Variants in NUP85 observed in about 807,000 individuals in gnomAD.
NUP85 encodes nuclear pore complex protein Nup85.
A neutral mutation model predicts 92.8 loss-of-function variants in NUP85; 23 were observed. That is an observed-to-expected ratio of 0.25 (90% CI 0.18 to 0.35). The LOEUF is 0.35. NUP85 is among the 10% of genes least tolerant of loss of function. NUP85 has a pLI of 1.00. For missense variants in NUP85, 759 were observed against 822.8 expected, an observed-to-expected ratio of 0.92 and a Z score of 0.95; for synonymous variants, 314 against 306.9, an observed-to-expected ratio of 1.02 and a Z score of -0.24.
chr17:75,233,013 G>A (rs1262096599), intron 15 of NUP85, 45 bp downstream of exon 15: 1 of 1,613,354 alleles, frequency 6.2e-7, no homozygotes, highest in African/African-American at 1.3e-5. Context: ...GGTGGTTGAG[G>A]TGGGCCTGAG....
intron 7 of NUP85, 30 bp downstream of exon 7, chr17:75,218,336 C>T (rs377161432): frequency 6.2e-7 from 1 of 1,610,826 alleles, no homozygotes; most frequent in African/African-American, 1.3e-5. Flanking sequence ...CACCTCCCAC[C>T]ATGTGTCCTA....
At chr17:75,218,605 T>TTTTTC (rs1276690476) in intron 7 of NUP85, among the ~76,000 whole-genome samples, 2 of 148,180 alleles carry the variant, frequency 1.3e-5, no homozygotes. Context: ...TTTTTTTTTT[T>TTTTTC]TTGAGACAGG....
rs753583486 is a variant in NUP85 at position 75,225,526 on chromosome 17, G to A, written c.855+62G>A. On this transcript the variant is annotated intron_variant, in intron 9 of 18. Transcript: ENST00000245544. ...TCCTATGGGGGCTGTGGCATCCAGT[G>A]CAGCAGTGGCAGGAGCTTGGTCCTC... The A allele has an allele frequency of 2.3e-5, 36 of 1,589,500 alleles. 1 individual carries two copies. The highest frequency in any genetic ancestry group is 3.1e-5 in the Non-Finnish European group (36 of 1,167,654).
At chr17:75,217,698 G>A (rs1289423430) in intron 6 of NUP85, among the ~76,000 whole-genome samples, 1 of 152,094 alleles carries the variant, frequency 6.6e-6, no homozygotes, top group Non-Finnish European at 1.5e-5. Context: ...GTAGAGACAG[G>A]GTTTCACCAT....
In NUP85 at chr17:75,205,713, G is replaced by A; in HGVS notation, c.-49G>A. The A allele has an allele frequency of 6.2e-7, 1 of 1,612,082 alleles. No individual in the cohort carries two copies. The highest frequency in any genetic ancestry group is 8.5e-7 in the Non-Finnish European group (1 of 1,178,234). ...CCAGCTCTGAGCGGGAGGCCTGAGC[G>A]GGAAGCATTGGCGTCCGAGCGACTT... On this transcript the variant is annotated 5_prime_UTR_variant, in exon 1 of 19. Transcript: ENST00000245544.
intron 2 of NUP85, among the ~76,000 whole-genome samples, chr17:75,209,497 G>A (rs1477438006): frequency 6.9e-6 from 1 of 144,064 alleles, no homozygotes; most frequent in African/African-American, 2.6e-5. Context: ...AGGCTGGAAT[G>A]CAGTGGTGTG....
Position 75,231,933 on chromosome 17 carries a change from C to T in NUP85, c.1350C>T (p.Ala450=), listed in dbSNP as rs1220338000. ...TACCTCTGAACACCGAGCAGAAAGC[C>T]CTGAAGGTGCTGCGGATCTGTGAGC... ...ERIPLNTEQK[A]LKVLRICEQR... is the part of the protein sequence containing the mutation. Residue 450 remains alanine (A), a synonymous_variant, in exon 14 of 19, where the codon GCC becomes GCT. Coordinates refer to ENST00000245544, the MANE Select transcript of NUP85 (RefSeq NM_024844.5). The surrounding 1 kb of genome is among the most constrained non-coding windows in gnomAD (Gnocchi z 4.6). 6.2e-7 allele frequency: 1 copy of T among 1,614,178 alleles called. No individual in the cohort carries two copies. The highest frequency in any genetic ancestry group is 8.5e-7 in the Non-Finnish European group (1 of 1,180,046).
At chr17:75,208,827 C>G (rs1305851588) in intron 2 of NUP85, among the ~76,000 whole-genome samples, 1 of 152,072 alleles carries the variant, frequency 6.6e-6, no homozygotes, top group Non-Finnish European at 1.5e-5. Context: ...ACTGCAGCCT[C>G]TACCTCTTGG....
At chr17:75,233,672 C>T (rs970053149) in intron 16 of NUP85, among the ~76,000 whole-genome samples, 1 of 151,954 alleles carries the variant, frequency 6.6e-6, no homozygotes, top group African/African-American at 2.4e-5. Flanking sequence ...GATCTCGGCT[C>T]ACTGCAACCC....
chr17:75,209,737 C>T (rs989631725), intron 2 of NUP85, 86 bp from the exon 3 acceptor site: 19 of 1,168,336 alleles, frequency 1.6e-5, no homozygotes, highest in South Asian at 3.3e-5. Flanking sequence ...CCACCATGCC[C>T]GGCCACAGAA....
rs1315442436 is a variant in NUP85 at position 75,234,760 on chromosome 17, A to G, written c.1739A>G (p.Asp580Gly). 1 of 1,614,048 alleles carries G rather than the reference A, an allele frequency of 6.2e-7. No homozygotes were observed. Among genetic ancestry groups the G allele is most frequent in the Non-Finnish European group, 8.5e-7 (1 of 1,180,050 alleles). Residue 580 changes from aspartate to glycine, a missense_variant, in exon 17 of 19, where the codon GAC becomes GGC. Asp to Gly is a moderately conservative substitution (Grantham distance 94, BLOSUM62 -1). Transcript: ENST00000245544. The part of the protein sequence containing the change: ...PRSFWMTLLT[D>G]ALPLLEQKQV... ...TCTTTCTGGATGACTCTGCTGACAGACGCCTTGCCCCTTTTGGAACAGAAA... is the reference window on the plus strand; with the variant it reads ...TCTTTCTGGATGACTCTGCTGACAGGCGCCTTGCCCCTTTTGGAACAGAAA...
In NUP85 at chr17:75,209,782, T is replaced by C. The variant is rs554563807; in HGVS notation, c.128-41T>C. 9.8e-6 allele frequency: 15 copies of C among 1,531,586 alleles called. No individual in the cohort carries two copies. The African/African-American group carries it at 1.4e-4, about 14-fold the overall frequency. The allele number at this position is 1,531,586 out of a possible 1,614,324, so 94.9% of individuals were successfully genotyped here. The stretch of plus-strand genomic sequence containing the variant: ...AGAGTAGATTCACTTTTGGAGATGA[T>C]CATAATAGATGTTAAATTTTTTTTT... On this transcript the variant is annotated intron_variant, in intron 2 of 18. Coordinates refer to ENST00000245544, the MANE Select transcript of NUP85 (RefSeq NM_024844.5).
chr17:75,228,067 C>T, intron 11 of NUP85: 1 of 369,680 alleles, frequency 2.7e-6, no homozygotes, highest in Non-Finnish European at 3.7e-6. Context: ...TTGTTGGTGT[C>T]TCTGCCCATA....
intron 11 of NUP85, among the ~76,000 whole-genome samples, chr17:75,230,366 T>TTG (rs1555666963): frequency 2.7e-5 from 4 of 150,176 alleles, no homozygotes; most frequent in African/African-American, 7.4e-5. Context: ...TTTTTTGTTT[T>TTG]TTTTTTTTTT....
chr17:75,228,209 A>T, intron 11 of NUP85: 2 of 985,300 alleles, frequency 2.0e-6, no homozygotes, highest in Non-Finnish European at 2.4e-6. Flanking sequence ...GGATGCAGGG[A>T]GTATAAAAGG....
At chr17:75,210,038 A>G (rs2075210650) in intron 3 of NUP85, 53 bp downstream of exon 3, 5 of 1,529,396 alleles carry the variant, frequency 3.3e-6, no homozygotes, top group Admixed American at 2.3e-5. Context: ...TGGAAAGCCA[A>G]ATGAAGTACA....
rs114138946 is a variant in NUP85, at chr17:75,212,307, C to T, written c.361+245C>T. Among the ~76,000 whole-genome samples the T allele has an allele frequency of 9.4e-3, 979 of 104,552 alleles. 17 individuals carry two copies. The highest frequency in any genetic ancestry group is 0.037 in the African/African-American group (938 of 25,092). 68.6% of individuals were successfully genotyped at this position (104,552 alleles called of 152,430 possible). On this transcript the variant is annotated intron_variant, in intron 4 of 18. Coordinates refer to ENST00000245544, the MANE Select transcript of NUP85 (RefSeq NM_024844.5). ...TTTTTGAGACCGAGTGTTGCTCTGT[C>T]GCCCAGGCTGAGGTGCTGTGGCATG...
rs1223669264 is a variant in NUP85 at position 75,231,163 on chromosome 17, A to C, written c.1095-177A>C. The C allele has an allele frequency of 1.6e-6, 1 of 641,536 alleles. No homozygotes were observed. Among genetic ancestry groups the C allele is most frequent in the African/African-American group, 1.8e-5 (1 of 55,048 alleles). 39.7% of individuals were successfully genotyped at this position (641,536 alleles called of 1,614,324 possible). On this transcript the variant is annotated intron_variant, in intron 11 of 18. Transcript: ENST00000245544. The surrounding 1 kb of genome is among the most constrained non-coding windows in gnomAD (Gnocchi z 4.6). ...AGGCTGGTCTTAAATTCCTGGACTC[A>C]GGTGATCTGCCTGCCTTGGCCTCCC...
At chr17:75,206,788 C>T (rs897687142) in intron 1 of NUP85, among the ~76,000 whole-genome samples, 1 of 151,974 alleles carries the variant, frequency 6.6e-6, no homozygotes, top group African/African-American at 2.4e-5. Context: ...ACCTCCGCCT[C>T]CCGGGTTCAC....
Sources: gnomAD v4.1 joint callset for allele counts (sites outside exome capture counted in the v4.1 genomes callset) on GRCh38, gnomAD v4.1.1 for gene constraint, Gnocchi (gnomAD v3.1) non-coding constraint, MANE v1.5 for transcripts, NCBI Gene and HGNC (gene_info 2026-07-23, HGNC 2026-07-21) for gene names.